ETFRF1: variants seen among roughly 807,000 people sequenced by gnomAD.
ETFRF1 encodes LYR motif containing 5.
ETFRF1 carries 12 observed loss-of-function variants against 9.0 expected under a neutral mutation model. The ratio of observed to expected loss-of-function variants is 1.34; its 90% CI spans 0.86 to 2.16. The LOEUF is 2.16. Among genes scored for constraint, ETFRF1 ranks in the 30% most tolerant of loss-of-function variants. The pLI is 0.00. For missense variants in ETFRF1, 98 were observed against 101.8 expected, an observed-to-expected ratio of 0.96 and a Z score of 0.16; for synonymous variants, 34 against 33.2, an observed-to-expected ratio of 1.02 and a Z score of -0.08.
chr12:25,204,246 G>GTACT lies in ETFRF1; in HGVS notation c.209_212dup (p.Phe71LeufsTer4). 6.2e-7 allele frequency: 1 copy of GTACT among 1,609,402 alleles called. No homozygotes were observed. Among genetic ancestry groups the GTACT allele is most frequent in the African/African-American group, 1.3e-5 (1 of 74,648 alleles). On this transcript the variant is annotated frameshift_variant, in exon 3 of 3. Transcript: ENST00000381356. ...TTGTAATGAAAGAGCTAGAAGCTTT[G>GTACT]TACTTCCTTAGGAAATACAGAGCTA... is the stretch of plus-strand genomic sequence containing the variant.
At chr12:25,195,612 T>G (rs1020724855) in intron 1 of ETFRF1, 1 of 172,414 alleles carries the variant, frequency 5.8e-6, no homozygotes, top group East Asian at 1.7e-4. Flanking sequence ...TTCCGCAATT[T>G]AAAGAGAGAA....
intron 1 of ETFRF1, 199 bp downstream of exon 1, chr12:25,195,536 A>G: frequency 4.1e-6 from 1 of 244,186 alleles, no homozygotes; most frequent in Non-Finnish European, 8.2e-6. Context: ...CGACTGGTTC[A>G]TGCAGCGGAC....
chr12:25,199,438 A>C (rs1361942842), intron 1 of ETFRF1, among the ~76,000 whole-genome samples: 1 of 150,228 alleles, frequency 6.7e-6, no homozygotes, highest in Non-Finnish European at 1.5e-5. Flanking sequence ...ATAGTATACT[A>C]TATACTAAAA....
At position 25,204,962 on chromosome 12, in the gene ETFRF1, T is replaced by C; in HGVS notation, c.*650T>C. On this transcript the variant is annotated 3_prime_UTR_variant, in exon 3 of 3. Transcript: ENST00000381356. ...TTGGGCCTAAAACCAAGTCACCTGTTGTGTATCAATTACCTTCTTTGATAA... is the reference window on the plus strand; with the variant it reads ...TTGGGCCTAAAACCAAGTCACCTGTCGTGTATCAATTACCTTCTTTGATAA... 4.9e-6 allele frequency: 1 copy of C among 204,120 alleles called. No individual in the cohort carries two copies. Among genetic ancestry groups the C allele is most frequent in the East Asian group, 7.5e-5 (1 of 13,356 alleles). The allele number at this position is 204,120 out of a possible 1,614,324, so 12.6% of individuals were successfully genotyped here. A position where few individuals can be genotyped will look rare whatever the true frequency, so the allele number is the denominator to read the frequency against.
rs771098604 is a variant in ETFRF1 at position 25,204,094 on chromosome 12, C to G, written c.55C>G (p.Leu19Val). 5 of 1,577,772 alleles carry G rather than the reference C, an allele frequency of 3.2e-6. No homozygotes were observed. In the East Asian group the frequency reaches 1.1e-4, roughly 36 times the overall value. ...TATATAATCTTTCTTTTTGAAGCTG[C>G]TGTATCTTGGACGAGACTATCCAAA... is the stretch of plus-strand genomic sequence containing the variant. ...GEVLKLYKNL[L>V]YLGRDYPKGA... The change falls in exon 3 of 3, where the codon CTG becomes GTG. Residue 19 changes from leucine to valine, a missense_variant. Leu to Val is a conservative substitution (Grantham distance 32). Transcript: ENST00000381356.
chr12:25,197,633 AT>A lies in ETFRF1; in HGVS notation c.-38+2303del, dbSNP rs1157915056. Reference sequence around the variant, plus strand: ...GCACACGCCACCATGCCTGGCTAATATTTTTTTACTTTTAGTAGAGACAAGG... The same window carrying A: ...GCACACGCCACCATGCCTGGCTAATATTTTTTACTTTTAGTAGAGACAAGG... On this transcript the variant is annotated intron_variant, in intron 1 of 2. Transcript: ENST00000381356. Among the ~76,000 whole-genome samples, 3 of 146,062 alleles carry A rather than the reference AT, an allele frequency of 2.1e-5. No individual in the cohort carries two copies. In the East Asian group the frequency reaches 5.8e-4, roughly 28 times the overall value.
Position 25,197,861 on chromosome 12 carries a change from A to G in ETFRF1, c.-38+2524A>G, listed in dbSNP as rs7972547. 3.6e-3 allele frequency among the ~76,000 whole-genome samples: 547 copies of G among 152,336 alleles called. 3 individuals are homozygous for G. The highest frequency in any genetic ancestry group is 0.013 in the African/African-American group (525 of 41,574). ...AAGTTTAAAGAATGAAGTAGTTAAT[A>G]TAGTGGGTTAAATACCCTCATCTAA... On this transcript the variant is annotated intron_variant, in intron 1 of 2. Transcript: ENST00000381356.
At chr12:25,197,012 C>T (rs1445333902) in intron 1 of ETFRF1, among the ~76,000 whole-genome samples, 4 of 151,974 alleles carry the variant, frequency 2.6e-5, no homozygotes, top group Non-Finnish European at 5.9e-5. Context: ...AAAAATTAGC[C>T]GGGCGTGGTG....
intron 1 of ETFRF1, among the ~76,000 whole-genome samples, chr12:25,200,708 A>G (rs1459066743): frequency 1.3e-5 from 2 of 152,344 alleles, no homozygotes; most frequent in East Asian, 3.9e-4. Context: ...TTTACCTTCC[A>G]TGTACCCTTT....
intron 1 of ETFRF1, among the ~76,000 whole-genome samples, chr12:25,197,783 T>A (rs1173915536): frequency 6.6e-6 from 1 of 152,138 alleles, no homozygotes; most frequent in Non-Finnish European, 1.5e-5. Context: ...AGAATCATTC[T>A]TAGTAAGATT....
intron 1 of ETFRF1, among the ~76,000 whole-genome samples, chr12:25,202,900 C>A (rs1951087466): frequency 6.6e-6 from 1 of 152,096 alleles, no homozygotes; most frequent in Admixed American, 6.5e-5. Context: ...ACACCTAAAT[C>A]CGTATGTATA....
chr12:25,200,520 C>T (rs1170951162), intron 1 of ETFRF1, among the ~76,000 whole-genome samples: 1 of 152,136 alleles, frequency 6.6e-6, no homozygotes, highest in African/African-American at 2.4e-5. Context: ...AAATACATCA[C>T]ATACAGAGGA....
chr12:25,203,909 C>T lies in ETFRF1; in HGVS notation c.-37-11C>T. On this transcript the variant is annotated splice_polypyrimidine_tract_variant and intron_variant, in intron 1 of 2. Coordinates refer to ENST00000381356, the MANE Select transcript of ETFRF1 (RefSeq NM_001001660.3). The stretch of plus-strand genomic sequence containing the variant: ...ATGCAGCTAATTGCAAAAAAATTTT[C>T]CTTTCTTTAGGTATGTTATGCATAA... 1 of 1,360,960 alleles carries T rather than the reference C, an allele frequency of 7.3e-7. No individual in the cohort carries two copies. The highest frequency in any genetic ancestry group is 9.6e-7 in the Non-Finnish European group (1 of 1,042,138). The allele number at this position is 1,360,960 out of a possible 1,614,324, so 84.3% of individuals were successfully genotyped here.
chr12:25,200,240 C>T (rs192870427), intron 1 of ETFRF1, among the ~76,000 whole-genome samples: 1 of 150,370 alleles, frequency 6.7e-6, no homozygotes, highest in African/African-American at 2.5e-5. Context: ...GAAAATAGTA[C>T]AGAAAAAAGG....
At chr12:25,199,619 T>TACACACACACACACACACACACAC (rs56221882) in intron 1 of ETFRF1, among the ~76,000 whole-genome samples, 68 of 143,666 alleles carry the variant, frequency 4.7e-4, no homozygotes, top group Middle Eastern at 3.6e-3. Flanking sequence ...TATGTATACA[T>TACACACACACACACACACACACAC]ACACACACAC....
intron 1 of ETFRF1, among the ~76,000 whole-genome samples, chr12:25,197,667 C>G (rs1449173807): frequency 6.6e-6 from 1 of 152,048 alleles, no homozygotes; most frequent in East Asian, 1.9e-4. Context: ...AGGTCTCACT[C>G]ACTATGTTGC....
At chr12:25,199,845 T>G (rs1951061025) in intron 1 of ETFRF1, among the ~76,000 whole-genome samples, 1 of 152,166 alleles carries the variant, frequency 6.6e-6, no homozygotes, top group Non-Finnish European at 1.5e-5. Context: ...CAAAATTAAC[T>G]GTCCAGGAAG....
At chr12:25,195,621 A>T in intron 1 of ETFRF1, 1 of 170,292 alleles carries the variant, frequency 5.9e-6, no homozygotes, top group Non-Finnish European at 1.3e-5. Context: ...TTAAAGAGAG[A>T]AATAAGTTGG....
intron 1 of ETFRF1, among the ~76,000 whole-genome samples, chr12:25,202,224 A>T (rs1336844750): frequency 6.6e-6 from 1 of 151,742 alleles, no homozygotes; most frequent in African/African-American, 2.4e-5. Flanking sequence ...CAGAGCAAGA[A>T]TCCATCTCAA....
Sources: allele counts gnomAD v4.1 joint callset (sites outside exome capture counted in the v4.1 genomes callset), GRCh38; gene constraint gnomAD v4.1.1; transcripts MANE v1.5; gene names NCBI Gene and HGNC (gene_info 2026-07-23, HGNC 2026-07-21).